The following RYR2 variants were observed in gnomAD, a reference collection of about 807,000 sequenced individuals.
The protein encoded by RYR2 is cardiac muscle ryanodine receptor-calcium release channel.
Under a neutral mutation model 601.1 loss-of-function variants are expected in RYR2, and 227 were observed. That is an observed-to-expected ratio of 0.38 (90% CI 0.34 to 0.42). RYR2 has a LOEUF of 0.42. Ranked by LOEUF, RYR2 falls within the 10% of genes least tolerant of loss-of-function variation. RYR2 has a pLI of 1.00. For synonymous variants in RYR2, 2,223 were observed against 2,175.1 expected (o/e 1.02, Z -0.61); for missense variants, 4,646 against 6,156.5 (o/e 0.75, Z 8.21).
intron 1 of RYR2, among the ~76,000 whole-genome samples, chr1:237,139,490 G>T (rs554195640): frequency 6.6e-6 from 1 of 152,174 alleles, no homozygotes; most frequent in Non-Finnish European, 1.5e-5. Flanking sequence ...GAATTGTATG[G>T]TTTATGAATT....
chr1:237,582,057 GT>G (rs942543478), intron 29 of RYR2, among the ~76,000 whole-genome samples: 2 of 151,928 alleles, frequency 1.3e-5, no homozygotes, highest in African/African-American at 4.8e-5. Flanking sequence ...GTTTGTTTGT[GT>G]TTTACCTTCC....
intron 1 of RYR2, among the ~76,000 whole-genome samples, chr1:237,149,302 C>CAAACA (rs147716148): frequency 6.6e-6 from 1 of 150,536 alleles, no homozygotes; most frequent in African/African-American, 2.4e-5. Context: ...CTACAAAAAA[C>CAAACA]AAACAAAAAC....
At chr1:237,511,890 G>A (rs1358251308) in intron 24 of RYR2, 99 bp downstream of exon 24, 2 of 753,584 alleles carry the variant, frequency 2.7e-6, no homozygotes, top group Non-Finnish European at 4.1e-6. Flanking sequence ...TAATTGAGCT[G>A]TGAAGTGATT....
intron 1 of RYR2, among the ~76,000 whole-genome samples, chr1:237,233,871 T>G (rs546707575): frequency 6.6e-6 from 1 of 152,058 alleles, no homozygotes; most frequent in South Asian, 2.1e-4. Flanking sequence ...ATTTTTTTTT[T>G]TATAGAGATG....
intron 49 of RYR2, 43 bp downstream of exon 49, chr1:237,648,656 C>G: frequency 6.4e-7 from 1 of 1,573,420 alleles, no homozygotes; most frequent in Non-Finnish European, 8.6e-7. Flanking sequence ...TGACTCTTCA[C>G]TCTGTGCCTT....
chr1:237,803,891 T>C (rs1430256862), intron 98 of RYR2, among the ~76,000 whole-genome samples: 1 of 152,198 alleles, frequency 6.6e-6, no homozygotes, highest in Admixed American at 6.5e-5. Context: ...TTGGCTCTGG[T>C]AACCTCACCC....
intron 1 of RYR2, among the ~76,000 whole-genome samples, chr1:237,053,069 G>A (rs1002645601): frequency 3.9e-5 from 6 of 151,982 alleles, no homozygotes; most frequent in African/African-American, 1.4e-4. Flanking sequence ...GGATGGTCTC[G>A]ATCTCTTGAC....
intron 72 of RYR2, 62 bp from the exon 73 acceptor site, chr1:237,718,400 A>G: frequency 3.6e-6 from 3 of 826,250 alleles, no homozygotes; most frequent in East Asian, 5.1e-5. Context: ...GATTGTTTCT[A>G]TTGACTTGTG....
chr1:237,102,613 C>T lies in RYR2; in HGVS notation c.48+60044C>T, dbSNP rs140551571. Among the ~76,000 whole-genome samples, 1,292 of 152,158 alleles carry T rather than the reference C, an allele frequency of 8.5e-3. 23 individuals carry two copies. Among genetic ancestry groups the T allele is most frequent in the African/African-American group, 0.029 (1,206 of 41,510 alleles). On this transcript the variant is annotated intron_variant, in intron 1 of 104. Transcript: ENST00000366574. The stretch of plus-strand genomic sequence containing the variant: ...GCTAACGCCTGTAATCCCAGCACTT[C>T]GGGAGGCTGAGGAGTGTGGATCACT...
intron 63 of RYR2, among the ~76,000 whole-genome samples, chr1:237,690,427 T>C (rs780663604): frequency 1.3e-5 from 2 of 152,234 alleles, no homozygotes; most frequent in Admixed American, 6.5e-5. Context: ...TAAAGTGCTA[T>C]GTAAAGTGTA....
At chr1:237,383,772 G>A (rs1701760863) in intron 8 of RYR2, among the ~76,000 whole-genome samples, 1 of 152,082 alleles carries the variant, frequency 6.6e-6, no homozygotes, top group South Asian at 2.1e-4. Context: ...GAAGATTCAT[G>A]TGCCTATTAG....
intron 13 of RYR2, among the ~76,000 whole-genome samples, chr1:237,445,083 G>A (rs917776053): frequency 6.6e-6 from 1 of 152,084 alleles, no homozygotes; most frequent in African/African-American, 2.4e-5. Context: ...CAAGGTGATG[G>A]GGGCTTGTAA....
At chr1:237,651,604 G>C in intron 51 of RYR2, 103 bp downstream of exon 51, 1 of 719,974 alleles carries the variant, frequency 1.4e-6, no homozygotes, top group East Asian at 2.8e-5. Context: ...TTGACGCTGG[G>C]AAATTTCTCC....
chr1:237,571,391 T>G (rs950961871), intron 29 of RYR2, among the ~76,000 whole-genome samples: 1 of 151,332 alleles, frequency 6.6e-6, no homozygotes, highest in Non-Finnish European at 1.5e-5. Flanking sequence ...CTTGACTCAC[T>G]GCAACCTCCG....
rs1433341195 is a variant in RYR2 at position 237,610,735 on chromosome 1, T to C, written c.4684-27T>C. On this transcript the variant is annotated intron_variant, in intron 35 of 104. Transcript: ENST00000366574. The surrounding 1 kb of genome is among the most constrained non-coding windows in gnomAD (Gnocchi z 4.9). ...AACCCCAAGGGATGTTCTACATTTA[T>C]TCTTTTTCTGCCTCCCCATCCGCTA... 3.2e-6 allele frequency: 5 copies of C among 1,546,004 alleles called. No homozygotes were observed. The South Asian group carries it at 3.5e-5, about 11-fold the overall frequency.
chr1:237,337,440 A>G (rs558918844), intron 3 of RYR2, among the ~76,000 whole-genome samples: 8 of 152,344 alleles, frequency 5.3e-5, no homozygotes, highest in Non-Finnish European at 1.0e-4. Context: ...ATGCAAGAGC[A>G]AAAGATGAAG....
chr1:237,451,352 A>G (rs1658089255), intron 14 of RYR2, among the ~76,000 whole-genome samples: 1 of 152,094 alleles, frequency 6.6e-6, no homozygotes, highest in African/African-American at 2.4e-5. Context: ...CCGGCACATC[A>G]CTTGAGGTCA....
intron 3 of RYR2, among the ~76,000 whole-genome samples, chr1:237,353,605 T>C (rs1699051174): frequency 6.6e-6 from 1 of 152,060 alleles, no homozygotes; most frequent in South Asian, 2.1e-4. Flanking sequence ...TAATTACTTT[T>C]ATATTAGATT....
In RYR2 at chr1:237,666,447, TA is replaced by T. The variant is rs772042172; in HGVS notation, c.8437-64del. The T allele has an allele frequency of 1.4e-4, 194 of 1,383,352 alleles. 1 individual carries two copies. Among genetic ancestry groups the T allele is most frequent in the Non-Finnish European group, 1.7e-4 (172 of 999,652 alleles). The allele number at this position is 1,383,352 out of a possible 1,614,324, so 85.7% of individuals were successfully genotyped here. A position where few individuals can be genotyped will look rare whatever the true frequency, so the allele number is the denominator to read the frequency against. On this transcript the variant is annotated intron_variant, in intron 56 of 104. Coordinates refer to ENST00000366574, the MANE Select transcript of RYR2 (RefSeq NM_001035.3). ...GGAAATTTGTGCCATATTTTTAAAG[TA>T]TAAGTTAAGTCTCTCTTCACAAGGT...
Sources: gnomAD v4.1 joint callset for allele counts (sites outside exome capture counted in the v4.1 genomes callset) on GRCh38, gnomAD v4.1.1 for gene constraint, Gnocchi (gnomAD v3.1) non-coding constraint, MANE v1.5 for transcripts, NCBI Gene and HGNC (gene_info 2026-07-23, HGNC 2026-07-21) for gene names.